The following MGAT5B variants were observed in gnomAD, a reference collection of about 807,000 sequenced individuals.
The protein encoded by MGAT5B is alpha-1,6-mannosylglycoprotein 6-beta-N-acetylglucosaminyltransferase B.
MGAT5B carries 54 observed loss-of-function variants against 95.1 expected under a neutral mutation model. The ratio of observed to expected loss-of-function variants is 0.57; its 90% CI spans 0.46 to 0.71. The LOEUF (loss-of-function observed/expected upper bound fraction) is 0.71. MGAT5B is among the 30% of genes least tolerant of loss of function. MGAT5B has a pLI of 0.00. For synonymous variants in MGAT5B, 464 were observed against 451.0 expected (o/e 1.03, Z -0.36); for missense variants, 935 against 1,088.6 (o/e 0.86, Z 1.99).
At chr17:76,913,878 C>T (rs773319976) in intron 8 of MGAT5B, 5 of 432,032 alleles carry the variant, frequency 1.2e-5, no homozygotes, top group Middle Eastern at 3.4e-4. Context: ...TGGGAGGTCA[C>T]GGCGGGAGGA....
At chr17:76,874,193 G>T (rs548375747) in intron 2 of MGAT5B, among the ~76,000 whole-genome samples, 1 of 152,258 alleles carries the variant, frequency 6.6e-6, no homozygotes, top group East Asian at 1.9e-4. Context: ...AAATGGGGAT[G>T]GTAATACCCA....
chr17:76,902,583 C>T lies in MGAT5B; in HGVS notation c.358C>T (p.Arg120Trp), dbSNP rs1435298303. The T allele has an allele frequency of 1.2e-5, 19 of 1,601,184 alleles. No homozygotes were observed. The Middle Eastern group carries it at 5.0e-4, about 42-fold the overall frequency. The change falls in exon 4 of 18, where the codon CGG becomes TGG. Residue 120 changes from arginine (R) to tryptophan (W), a missense_variant. Physicochemically the swap from Arg to Trp is moderately radical, Grantham distance 101 (BLOSUM62 -3). Around this residue, in one of 4 missense-constraint regions of MGAT5B, gnomAD observed 243 missense variants for 228.2 expected, o/e 1.06. Transcript: ENST00000569840. The stretch of plus-strand genomic sequence containing the variant: ...GCCCCCTGGGGCCGGCCTCATGGAG[C>T]GGATCCAGGCTATTGCCCAGAACGT... ...RMPPGAGLME[R>W]IQAIAQNVSD...
chr17:76,935,841 C>CATTATATATTATATA (rs796937323), intron 12 of MGAT5B, among the ~76,000 whole-genome samples: 85 of 110,192 alleles, frequency 7.7e-4, no homozygotes, highest in East Asian at 2.4e-3. Flanking sequence ...ATATTATATA[C>CATTATATATTATATA]ATTATATATA....
rs1304886882 is a variant in MGAT5B at position 76,916,283 on chromosome 17, A to G, written c.1026-8683A>G. Among the ~76,000 whole-genome samples, 1 of 152,230 alleles carries G rather than the reference A, an allele frequency of 6.6e-6. No homozygotes were observed. Among genetic ancestry groups the G allele is most frequent in the Non-Finnish European group, 1.5e-5 (1 of 68,046 alleles). ...GCTCCACGCGCTGCGCTGGCGTCAC[A>G]GGGAGTCTGTTTCTTGCAAGTCAAG... On this transcript the variant is annotated intron_variant, in intron 8 of 17. Coordinates refer to ENST00000569840, the MANE Select transcript of MGAT5B (RefSeq NM_001199172.2). The surrounding 1 kb of genome is among the most constrained non-coding windows in gnomAD (Gnocchi z 5.3).
At position 76,905,160 on chromosome 17, in the gene MGAT5B, C is replaced by A. The variant is rs917443209; in HGVS notation, c.691-9C>A. 5 of 1,604,076 alleles carry A rather than the reference C, an allele frequency of 3.1e-6. No individual in the cohort carries two copies. The highest frequency in any genetic ancestry group is 4.3e-6 in the Non-Finnish European group (5 of 1,172,600). On this transcript the variant is annotated splice_polypyrimidine_tract_variant and intron_variant, in intron 6 of 17. Transcript: ENST00000569840. The surrounding 1 kb of genome is among the most constrained non-coding windows in gnomAD (Gnocchi z 4.2). ...GAGGGGCAGAGAGCTGAGGTCTGGA[C>A]CCCTCCAGGCAGTTTTCCGAAGCAA...
In MGAT5B at chr17:76,870,855, T is replaced by C. The variant is rs1487725870; in HGVS notation, c.68+1758T>C. 1.3e-5 allele frequency among the ~76,000 whole-genome samples: 2 copies of C among 152,090 alleles called. No homozygotes were observed. The highest frequency in any genetic ancestry group is 4.8e-5 in the African/African-American group (2 of 41,402). On this transcript the variant is annotated intron_variant, in intron 1 of 17. Transcript: ENST00000569840. The surrounding 1 kb of genome is among the most constrained non-coding windows in gnomAD (Gnocchi z 5.0). ...GGCTGCTGGCAGGGTCTTTATTCCA[T>C]AGGTGCCCCTGGAATGTTGCTTGAG... is the stretch of plus-strand genomic sequence containing the variant.
intron 17 of MGAT5B, 82 bp downstream of exon 17, chr17:76,948,168 C>G: frequency 6.7e-7 from 1 of 1,494,772 alleles, no homozygotes; most frequent in South Asian, 1.4e-5. Flanking sequence ...ATGCCCAGAA[C>G]CGGCCCTCAG....
intron 3 of MGAT5B, among the ~76,000 whole-genome samples, chr17:76,894,187 A>T (rs1020281399): frequency 1.3e-5 from 2 of 152,092 alleles, no homozygotes; most frequent in Non-Finnish European, 2.9e-5. Context: ...CATCCTCTCC[A>T]GCTGTCCGTC....
At chr17:76,888,560 A>C (rs993032774) in intron 3 of MGAT5B, among the ~76,000 whole-genome samples, 2 of 152,174 alleles carry the variant, frequency 1.3e-5, no homozygotes, top group African/African-American at 4.8e-5. Context: ...CGTTAATTGA[A>C]TGCAACTCTC....
chr17:76,884,379 A>G (rs1258983495), intron 3 of MGAT5B, among the ~76,000 whole-genome samples: 3 of 152,112 alleles, frequency 2.0e-5, no homozygotes, highest in South Asian at 2.1e-4. Flanking sequence ...TTGATTCAAT[A>G]TGTGGTTATA....
In MGAT5B at chr17:76,948,840, TCCGCCTCTG is replaced by T. The variant is rs1599017716; in HGVS notation, c.*8_*16del. On this transcript the variant is annotated 3_prime_UTR_variant, in exon 18 of 18. Transcript: ENST00000569840. The stretch of plus-strand genomic sequence containing the variant: ...GCCTTGTGCCAGGGCTGTCTGTGAA[TCCGCCTCTG>T]CCGCCCTGCCTGGCACCCACGCTGG... The T allele has an allele frequency of 7.6e-6, 12 of 1,585,468 alleles. No homozygotes were observed. Among genetic ancestry groups the T allele is most frequent in the Non-Finnish European group, 1.0e-5 (12 of 1,167,468 alleles).
intron 3 of MGAT5B, among the ~76,000 whole-genome samples, chr17:76,897,659 CACTTTCTTTCTT>C (rs1423017091): frequency 0.022 from 2,417 of 108,878 alleles, 117 homozygotes; most frequent in South Asian, 0.089. Context: ...CAAGTAAGGC[CACTTTCTTTCTT>C]TCTTTCTTTC....
At chr17:76,881,485 G>A (rs1967413120) in intron 2 of MGAT5B, among the ~76,000 whole-genome samples, 1 of 152,134 alleles carries the variant, frequency 6.6e-6, no homozygotes, top group African/African-American at 2.4e-5. Flanking sequence ...GGCCGGGCAG[G>A]AGAAGGAGGG....
intron 3 of MGAT5B, among the ~76,000 whole-genome samples, chr17:76,898,776 C>G (rs1390572359): frequency 6.6e-6 from 1 of 152,142 alleles, no homozygotes; most frequent in African/African-American, 2.4e-5. Context: ...GATTTTGGTG[C>G]ACACATCACC....
intron 10 of MGAT5B, among the ~76,000 whole-genome samples, chr17:76,932,060 C>CTT (rs1555599017): frequency 0.37 from 54,142 of 146,862 alleles, 10,343 homozygotes; most frequent in Admixed American, 0.41. Context: ...TTCTCCTCCT[C>CTT]CTTTTTTCCT....
chr17:76,878,963 TC>T (rs1477984880), intron 2 of MGAT5B, among the ~76,000 whole-genome samples: 2 of 151,722 alleles, frequency 1.3e-5, no homozygotes, highest in East Asian at 3.9e-4. Flanking sequence ...ACCTGTCTGG[TC>T]CGCAGCAGAG....
At chr17:76,946,475 C>T in intron 16 of MGAT5B, 25 bp downstream of exon 16, 3 of 1,559,154 alleles carry the variant, frequency 1.9e-6, no homozygotes, top group African/African-American at 1.4e-5. Context: ...TGGTCCCTGC[C>T]CCAGATCCTG....
At position 76,870,173 on chromosome 17, in the gene MGAT5B, G is replaced by T. The variant is rs1006579253; in HGVS notation, c.68+1076G>T. ...GGCCCAGCCCCACTGTGGTCCCCCT[G>T]CCGGCTCCAGACGGGGATGGGGGCG... On this transcript the variant is annotated intron_variant, in intron 1 of 17. Transcript: ENST00000569840. This position sits in a 1 kb window ranked among gnomAD's most constrained non-coding sequence, Gnocchi z 5.0. Among the ~76,000 whole-genome samples the T allele has an allele frequency of 6.6e-6, 1 of 152,232 alleles. No homozygotes were observed. The highest frequency in any genetic ancestry group is 1.5e-5 in the Non-Finnish European group (1 of 68,038).
chr17:76,879,544 C>G (rs527672), intron 2 of MGAT5B, among the ~76,000 whole-genome samples: 45,955 of 151,806 alleles, frequency 0.3, 10,894 homozygotes, highest in African/African-American at 0.66. Flanking sequence ...AGTGAGGCCA[C>G]GCAGGCTGTG....
Sources: allele counts gnomAD v4.1 joint callset (sites outside exome capture counted in the v4.1 genomes callset), GRCh38; gene constraint gnomAD v4.1.1; regional missense constraint gnomAD v4.1.1; non-coding constraint Gnocchi (gnomAD v3.1); transcripts MANE v1.5; gene names NCBI Gene and HGNC (gene_info 2026-07-23, HGNC 2026-07-21).